Variants in CPNE4 observed in about 807,000 individuals in gnomAD.
The protein encoded by CPNE4 is copine 4.
In CPNE4, 25 loss-of-function variants were observed where a neutral mutation model predicts 67.9. The observed-to-expected ratio is 0.37, with a 90% CI of 0.27 to 0.51. The LOEUF is 0.51. CPNE4 is among the 20% of genes least tolerant of loss of function. CPNE4 has a pLI of 0.93. For missense variants in CPNE4, 464 were observed against 690.8 expected, an observed-to-expected ratio of 0.67 and a Z score of 3.68; for synonymous variants, 242 against 244.9, an observed-to-expected ratio of 0.99 and a Z score of 0.11.
At chr3:131,901,091 T>C (rs2088536949) in intron 2 of CPNE4, among the ~76,000 whole-genome samples, 1 of 152,004 alleles carries the variant, frequency 6.6e-6, no homozygotes, top group African/African-American at 2.4e-5. Context: ...GGCCACACAC[T>C]CACGAGCTTG....
At position 131,825,493 on chromosome 3, in the gene CPNE4, C is replaced by CAA. The variant is rs371197777; in HGVS notation, c.180+79769_180+79770dup. On this transcript the variant is annotated intron_variant, in intron 2 of 15. Coordinates refer to ENST00000429747, the MANE Select transcript of CPNE4 (RefSeq NM_130808.3). ...CCTGGGAAACAGAGCGAGACTCCGT[C>CAA]AAAAAAAAAAAAAAAACATTGGTAA... 3.1e-3 allele frequency among the ~76,000 whole-genome samples: 350 copies of CAA among 114,358 alleles called. 2 individuals are homozygous for CAA. The highest frequency in any genetic ancestry group is 0.02 in the South Asian group (70 of 3,424). 75.0% of individuals were successfully genotyped at this position (114,358 alleles called of 152,430 possible).
upstream of CPNE4, chr3:132,037,443 T>G (rs2074359562): frequency 2.5e-6 from 2 of 791,636 alleles, no homozygotes; most frequent in East Asian, 5.4e-5. Context: ...AAATGAAGAT[T>G]TGTAACCAGC....
intron 1 of CPNE4, among the ~76,000 whole-genome samples, chr3:132,002,615 T>C (rs2073484880): frequency 6.6e-6 from 1 of 152,124 alleles, no homozygotes; most frequent in African/African-American, 2.4e-5. Context: ...TGACGCAGGA[T>C]TTATGTGAGG....
intron 1 of CPNE4, among the ~76,000 whole-genome samples, chr3:131,993,252 ATT>A (rs1449576797): frequency 7.4e-6 from 1 of 135,380 alleles, no homozygotes; most frequent in African/African-American, 2.5e-5. Context: ...AAGGAAGAAT[ATT>A]TTGATGAATT....
intron 1 of CPNE4, among the ~76,000 whole-genome samples, chr3:131,931,132 T>G (rs973370872): frequency 3.9e-5 from 6 of 152,136 alleles, no homozygotes; most frequent in Non-Finnish European, 7.4e-5. Flanking sequence ...AAGTTTCCGT[T>G]ATGGTAGGAA....
At chr3:131,574,594 T>G (rs564335463) in intron 10 of CPNE4, among the ~76,000 whole-genome samples, 1 of 152,242 alleles carries the variant, frequency 6.6e-6, no homozygotes, top group East Asian at 1.9e-4. Flanking sequence ...ATCTTTTCAT[T>G]GCCTAATGAA....
At chr3:131,927,882 A>T (rs999212075) in intron 1 of CPNE4, among the ~76,000 whole-genome samples, 2 of 152,196 alleles carry the variant, frequency 1.3e-5, no homozygotes, top group Non-Finnish European at 1.5e-5. Flanking sequence ...AATAGGCAAG[A>T]AAAGTAGTTT....
intron 2 of CPNE4, among the ~76,000 whole-genome samples, chr3:131,904,809 C>T (rs1368837099): frequency 6.6e-6 from 1 of 152,082 alleles, no homozygotes; most frequent in Non-Finnish European, 1.5e-5. Context: ...CTCTCTCAAC[C>T]CCCTAAAACC....
At chr3:131,890,254 C>A (rs1560546492) in intron 2 of CPNE4, among the ~76,000 whole-genome samples, 1 of 151,618 alleles carries the variant, frequency 6.6e-6, no homozygotes, top group Non-Finnish European at 1.5e-5. Context: ...ACACAAATAA[C>A]CTGATTTTTT....
chr3:131,646,479 C>T (rs935482375), intron 7 of CPNE4, among the ~76,000 whole-genome samples: 5 of 152,094 alleles, frequency 3.3e-5, no homozygotes, highest in African/African-American at 1.2e-4. Flanking sequence ...TGGAAACCTC[C>T]TCAAAAAACC....
chr3:131,952,131 C>T (rs1415610932), intron 1 of CPNE4, among the ~76,000 whole-genome samples: 1 of 150,318 alleles, frequency 6.7e-6, no homozygotes, highest in African/African-American at 2.4e-5. Flanking sequence ...TGCCTCTTCC[C>T]GGCCGCCATC....
intron 7 of CPNE4, among the ~76,000 whole-genome samples, chr3:131,598,205 T>C (rs948125437): frequency 5.4e-4 from 83 of 152,296 alleles, no homozygotes; most frequent in African/African-American, 1.1e-3. Context: ...AGGATAATGC[T>C]GTGAGACCTT....
chr3:131,852,682 A>G (rs899861742), intron 2 of CPNE4, among the ~76,000 whole-genome samples: 9 of 151,844 alleles, frequency 5.9e-5, no homozygotes, highest in African/African-American at 2.2e-4. Context: ...GACAAAAAAA[A>G]AATTAGATCA....
intron 7 of CPNE4, among the ~76,000 whole-genome samples, chr3:131,604,970 G>A (rs1582879128): frequency 1.3e-5 from 2 of 152,056 alleles, no homozygotes; most frequent in African/African-American, 2.4e-5. Context: ...TACAGACTGC[G>A]TTTAAATTAT....
In CPNE4 at chr3:131,681,966, T is replaced by C. The variant is rs556013246; in HGVS notation, c.591+3909A>G. 9.9e-5 allele frequency among the ~76,000 whole-genome samples: 15 copies of C among 152,218 alleles called. No individual in the cohort carries two copies. In the South Asian group the frequency reaches 1.5e-3, roughly 15 times the overall value. ...TTGCATTTTTCAACTCCAGAATTTCTGCTTGATTTCTTACAATTATTTCAA... is the reference window on the plus strand; with the variant it reads ...TTGCATTTTTCAACTCCAGAATTTCCGCTTGATTTCTTACAATTATTTCAA... On this transcript the variant is annotated intron_variant, in intron 6 of 15. Coordinates refer to ENST00000429747, the MANE Select transcript of CPNE4 (RefSeq NM_130808.3).
intron 2 of CPNE4, among the ~76,000 whole-genome samples, chr3:131,771,626 C>G (rs918146714): frequency 6.6e-6 from 1 of 152,144 alleles, no homozygotes; most frequent in African/African-American, 2.4e-5. Context: ...GAAGCAGATA[C>G]TGGTGCCATT....
intron 2 of CPNE4, among the ~76,000 whole-genome samples, chr3:131,836,315 G>T (rs1405507674): frequency 6.6e-6 from 1 of 152,050 alleles, no homozygotes; most frequent in Non-Finnish European, 1.5e-5. Flanking sequence ...TCAAAAATTA[G>T]TTAATGCAAT....
chr3:131,790,249 C>T (rs924419644), intron 2 of CPNE4, among the ~76,000 whole-genome samples: 25 of 152,136 alleles, frequency 1.6e-4, no homozygotes, highest in African/African-American at 5.8e-4. Flanking sequence ...TAATGAAAGA[C>T]TATGCTAACT....
intron 7 of CPNE4, among the ~76,000 whole-genome samples, chr3:131,615,889 T>TCACACACA (rs1317031280): frequency 1.3e-4 from 13 of 100,266 alleles, no homozygotes; most frequent in African/African-American, 7.6e-4. Context: ...CATCTCTCTC[T>TCACACACA]CTCACACACA....
Sources: allele counts gnomAD v4.1 joint callset (sites outside exome capture counted in the v4.1 genomes callset), GRCh38; gene constraint gnomAD v4.1.1; transcripts MANE v1.5; gene names NCBI Gene and HGNC (gene_info 2026-07-23, HGNC 2026-07-21).